MYO16: variants seen among roughly 807,000 people sequenced by gnomAD.
MYO16 encodes myosin XVI.
A neutral mutation model predicts 205.3 loss-of-function variants in MYO16; 94 were observed. That is an observed-to-expected ratio of 0.46 (90% confidence interval 0.39 to 0.54). The LOEUF is 0.54. MYO16 is among the 20% of genes least tolerant of loss of function. The pLI, the probability that MYO16 is intolerant of heterozygous loss-of-function variation, is 0.00. For synonymous variants in MYO16, 988 were observed against 954.0 expected (o/e 1.04, Z -0.66); for missense variants, 2,315 against 2,387.5 (o/e 0.97, Z 0.63).
At chr13:108,654,879 T>C (rs1594180095) in intron 1 of MYO16, among the ~76,000 whole-genome samples, 1 of 152,190 alleles carries the variant, frequency 6.6e-6, no homozygotes, top group African/African-American at 2.4e-5. Context: ...AACTTTGAAC[T>C]TGATAGAGAT....
chr13:108,948,252 T>A (rs1433385238), intron 16 of MYO16, among the ~76,000 whole-genome samples: 3 of 152,230 alleles, frequency 2.0e-5, no homozygotes, highest in Non-Finnish European at 4.4e-5. Context: ...CTTCTGTTTA[T>A]ATATTAAACA....
the MYO16 span, among the ~76,000 whole-genome samples, chr13:108,529,241 G>A: frequency 2.6e-3 from 401 of 152,008 alleles, 3 homozygotes; most frequent in African/African-American, 8.9e-3. Flanking sequence ...TCTCTCTGCT[G>A]GAGCATGAGG....
chr13:108,562,569 A>G, the MYO16 span, among the ~76,000 whole-genome samples: 2 of 152,146 alleles, frequency 1.3e-5, no homozygotes, highest in African/African-American at 2.4e-5. Context: ...TGCTTAGGGT[A>G]TTTCCATTTA....
chr13:108,647,737 A>G (rs1454976087), intron 1 of MYO16, among the ~76,000 whole-genome samples: 3 of 152,214 alleles, frequency 2.0e-5, no homozygotes. Context: ...TTTTAGATAT[A>G]GGTATATTTC....
chr13:108,777,912 T>A (rs762650800), intron 4 of MYO16, among the ~76,000 whole-genome samples: 4 of 152,234 alleles, frequency 2.6e-5, no homozygotes, highest in Non-Finnish European at 5.9e-5. Flanking sequence ...TATTCCCATA[T>A]TCTTCAGAGT....
chr13:108,665,708 C>A (rs1881691405), intron 1 of MYO16, among the ~76,000 whole-genome samples, 178 bp from the exon 2 acceptor site: 1 of 152,156 alleles, frequency 6.6e-6, no homozygotes. Context: ...TTGAGAAACA[C>A]ACGAACTATT....
chr13:109,098,145 G>T (rs1268088492), intron 27 of MYO16, among the ~76,000 whole-genome samples: 1 of 141,996 alleles, frequency 7.0e-6, no homozygotes, highest in Non-Finnish European at 1.6e-5. Flanking sequence ...TTTGGAGAGA[G>T]AACCTTCTTG....
At chr13:109,004,014 C>T (rs1464964797) in intron 21 of MYO16, among the ~76,000 whole-genome samples, 1 of 152,126 alleles carries the variant, frequency 6.6e-6, no homozygotes, top group African/African-American at 2.4e-5. Context: ...AAATAATCAG[C>T]CACTGAGTTT....
the MYO16 span, among the ~76,000 whole-genome samples, chr13:108,590,034 A>T: frequency 6.6e-6 from 1 of 152,192 alleles, no homozygotes; most frequent in African/African-American, 2.4e-5. Flanking sequence ...AGGAATAAAT[A>T]TTTCATAATC....
intron 31 of MYO16, among the ~76,000 whole-genome samples, chr13:109,137,186 G>A (rs116911556): frequency 1.3e-5 from 2 of 152,270 alleles, no homozygotes; most frequent in East Asian, 3.9e-4. Context: ...AGGGTGTACA[G>A]GCCTGTACAT....
chr13:108,891,536 A>C (rs371163577), intron 14 of MYO16, among the ~76,000 whole-genome samples: 28 of 152,330 alleles, frequency 1.8e-4, no homozygotes, highest in African/African-American at 5.8e-4. Flanking sequence ...CATATGTGCT[A>C]TATCATTGCC....
At chr13:108,524,318 AT>A in the MYO16 span, among the ~76,000 whole-genome samples, 21 of 68,698 alleles carry the variant, frequency 3.1e-4, no homozygotes, top group Non-Finnish European at 5.5e-4. Context: ...AAAAAAATAA[AT>A]AAATAAATAA....
chr13:108,951,255 C>T (rs1883138261), intron 16 of MYO16, among the ~76,000 whole-genome samples: 1 of 152,336 alleles, frequency 6.6e-6, no homozygotes, highest in African/African-American at 2.4e-5. Flanking sequence ...CTGTCTATTC[C>T]TTCCTTTTAG....
intron 20 of MYO16, among the ~76,000 whole-genome samples, chr13:108,976,855 C>T (rs900448780): frequency 1.3e-5 from 2 of 152,064 alleles, no homozygotes; most frequent in Non-Finnish European, 2.9e-5. Flanking sequence ...AGGCAAGCAA[C>T]CCATTTACCT....
the MYO16 span, among the ~76,000 whole-genome samples, chr13:108,531,332 C>T: frequency 3.9e-5 from 6 of 152,214 alleles, no homozygotes; most frequent in East Asian, 5.8e-4. Context: ...GGAAGAACAT[C>T]GGGAGGAAGC....
At chr13:109,027,466 C>T (rs1886400955) in intron 23 of MYO16, among the ~76,000 whole-genome samples, 1 of 152,162 alleles carries the variant, frequency 6.6e-6, no homozygotes, top group African/African-American at 2.4e-5. Flanking sequence ...TTTCTCTCTT[C>T]ACCACATCGT....
chr13:108,590,857 C>G, the MYO16 span, among the ~76,000 whole-genome samples: 1 of 152,142 alleles, frequency 6.6e-6, no homozygotes, highest in Non-Finnish European at 1.5e-5. Context: ...AACCTCACCC[C>G]CTTGATTTCA....
At chr13:109,102,506 GTGTATATATA>G (rs772556874) in intron 28 of MYO16, among the ~76,000 whole-genome samples, 1 of 144,372 alleles carries the variant, frequency 6.9e-6, no homozygotes, top group African/African-American at 2.6e-5. Flanking sequence ...GTGTGTGTGT[GTGTATATATA>G]TATATATATC....
chr13:109,188,960 G>A (rs569102847), intron 34 of MYO16, among the ~76,000 whole-genome samples: 1 of 152,180 alleles, frequency 6.6e-6, no homozygotes, highest in East Asian at 1.9e-4. Context: ...TGGGCGTGGT[G>A]GTGCATGCCT....
Sources: allele counts gnomAD v4.1 joint callset (sites outside exome capture counted in the v4.1 genomes callset), GRCh38; gene constraint gnomAD v4.1.1; transcripts MANE v1.5; gene names NCBI Gene and HGNC (gene_info 2026-07-23, HGNC 2026-07-21).